MTMR7: variants seen among roughly 807,000 people sequenced by gnomAD.
MTMR7 encodes the protein myotubularin related protein 7, also known as phosphatidylinositol-3-phosphate phosphatase MTMR7.
Under a neutral mutation model 81.2 loss-of-function variants are expected in MTMR7, and 76 were observed. The observed-to-expected ratio is 0.94, with a 90% CI of 0.78 to 1.13. The LOEUF is 1.13. Among genes scored for constraint, MTMR7 ranks in the 50% most tolerant of loss-of-function variants. The pLI, the probability that MTMR7 is intolerant of heterozygous loss-of-function variation, is 0.00. For synonymous variants in MTMR7, 372 were observed against 289.8 expected (o/e 1.28, Z -2.88); for missense variants, 1,044 against 820.0 (o/e 1.27, Z -3.34).
intron 1 of MTMR7, among the ~76,000 whole-genome samples, chr8:17,399,321 G>A (rs1373133935): frequency 6.6e-5 from 10 of 152,230 alleles, no homozygotes; most frequent in Non-Finnish European, 1.2e-4. Flanking sequence ...AAACAGTAGC[G>A]TTCATGTATG....
At chr8:17,411,698 A>AG (rs922819948) in intron 1 of MTMR7, among the ~76,000 whole-genome samples, 1 of 152,322 alleles carries the variant, frequency 6.6e-6, no homozygotes, top group East Asian at 1.9e-4. Context: ...CACTGCTTAG[A>AG]GGGTATCCAT....
intron 1 of MTMR7, among the ~76,000 whole-genome samples, chr8:17,393,735 A>C (rs564684275): frequency 6.6e-6 from 1 of 152,294 alleles, no homozygotes; most frequent in African/African-American, 2.4e-5. Flanking sequence ...CAGAAATAAA[A>C]GCTAATGGAT....
intron 1 of MTMR7, among the ~76,000 whole-genome samples, chr8:17,404,244 G>C (rs1160369777): frequency 1.3e-5 from 2 of 152,122 alleles, no homozygotes; most frequent in Non-Finnish European, 2.9e-5. Context: ...TTTACTATTG[G>C]AATAGATATG....
chr8:17,402,238 C>T (rs1821449034), intron 1 of MTMR7, among the ~76,000 whole-genome samples: 1 of 152,052 alleles, frequency 6.6e-6, no homozygotes, highest in Non-Finnish European at 1.5e-5. Flanking sequence ...CTTTGTGTTA[C>T]AAACAATCCA....
At chr8:17,316,492 C>T (rs1218811400) in intron 7 of MTMR7, among the ~76,000 whole-genome samples, 2 of 150,836 alleles carry the variant, frequency 1.3e-5, no homozygotes, top group Non-Finnish European at 2.9e-5. Flanking sequence ...TTTCTACAGT[C>T]TCCTTGTGGA....
chr8:17,336,228 C>A (rs1028545740), intron 6 of MTMR7, among the ~76,000 whole-genome samples: 1 of 152,086 alleles, frequency 6.6e-6, no homozygotes, highest in Non-Finnish European at 1.5e-5. Context: ...CACCAGCACA[C>A]CCACCCCAGT....
intron 1 of MTMR7, among the ~76,000 whole-genome samples, chr8:17,396,612 G>A (rs1381930592): frequency 3.9e-5 from 6 of 152,102 alleles, no homozygotes; most frequent in South Asian, 2.1e-4. Flanking sequence ...GCAGGCTAAA[G>A]TGCTCCCAGG....
At chr8:17,382,519 T>A (rs534534319) in intron 1 of MTMR7, among the ~76,000 whole-genome samples, 7 of 152,034 alleles carry the variant, frequency 4.6e-5, no homozygotes, top group African/African-American at 1.7e-4. Context: ...TACTCAAAAA[T>A]AAAGACTTTC....
intron 1 of MTMR7, among the ~76,000 whole-genome samples, chr8:17,374,334 A>T (rs961297342): frequency 1.3e-5 from 2 of 152,198 alleles, no homozygotes; most frequent in African/African-American, 4.8e-5. Context: ...CTAAAAATAC[A>T]AAAATTGGCC....
At chr8:17,400,300 G>A (rs1821389404) in intron 1 of MTMR7, among the ~76,000 whole-genome samples, 1 of 152,174 alleles carries the variant, frequency 6.6e-6, no homozygotes, top group African/African-American at 2.4e-5. Flanking sequence ...CCTAAGAGGT[G>A]AGTACTGTTG....
intron 7 of MTMR7, among the ~76,000 whole-genome samples, chr8:17,330,150 T>C (rs1818922204): frequency 6.6e-6 from 1 of 152,318 alleles, no homozygotes; most frequent in African/African-American, 2.4e-5. Flanking sequence ...GACACTCAGA[T>C]TTCTCCAACC....
chr8:17,373,635 A>C (rs11203848), intron 1 of MTMR7, among the ~76,000 whole-genome samples: 55,106 of 151,996 alleles, frequency 0.36, 13,104 homozygotes, highest in East Asian at 0.71. Flanking sequence ...AAAAAGAAAA[A>C]AGCACATTTT....
Position 17,299,683 on chromosome 8 carries a change from AC to A in MTMR7, c.*178del, listed in dbSNP as rs1816971885. On this transcript the variant is annotated 3_prime_UTR_variant, in exon 14 of 14. Coordinates refer to ENST00000180173, the MANE Select transcript of MTMR7 (RefSeq NM_004686.5). ...CTTATATTTGATAAATGAAATGACT[AC>A]GTCCTCTTCAGTATCTAAGAAATCA... The A allele has an allele frequency of 1.3e-6, 1 of 746,238 alleles. No homozygotes were observed. The highest frequency in any genetic ancestry group is 1.8e-5 in the African/African-American group (1 of 56,446). The allele number at this position is 746,238 out of a possible 1,614,324, so 46.2% of individuals were successfully genotyped here. A position where few individuals can be genotyped will look rare whatever the true frequency, so the allele number is the denominator to read the frequency against.
chr8:17,305,106 G>C (rs942077409), intron 11 of MTMR7, among the ~76,000 whole-genome samples: 5 of 152,146 alleles, frequency 3.3e-5, no homozygotes, highest in Middle Eastern at 3.2e-3. Context: ...AGCTTCCTTA[G>C]AGAAAACAAA....
chr8:17,408,382 C>T (rs1397165945), intron 1 of MTMR7, among the ~76,000 whole-genome samples: 4 of 37,586 alleles, frequency 1.1e-4, no homozygotes, highest in African/African-American at 2.3e-4. Context: ...GGCGACAGAG[C>T]GAGACTCCGT....
intron 3 of MTMR7, among the ~76,000 whole-genome samples, chr8:17,365,087 C>A (rs1299105449): frequency 6.6e-6 from 1 of 152,164 alleles, no homozygotes; most frequent in Admixed American, 6.5e-5. Context: ...TGTTGTCTTC[C>A]ATCTTTTTGG....
chr8:17,362,051 C>T (rs1820077389), intron 3 of MTMR7, among the ~76,000 whole-genome samples: 1 of 152,128 alleles, frequency 6.6e-6, no homozygotes, highest in Non-Finnish European at 1.5e-5. Flanking sequence ...TCTTGCTCTG[C>T]TCTTGCCATT....
At chr8:17,323,173 C>G (rs989769017) in intron 7 of MTMR7, among the ~76,000 whole-genome samples, 2 of 151,874 alleles carry the variant, frequency 1.3e-5, no homozygotes, top group African/African-American at 4.8e-5. Flanking sequence ...TCTCAAACTC[C>G]TGACCTCAGG....
intron 6 of MTMR7, among the ~76,000 whole-genome samples, chr8:17,334,524 G>C (rs373459410): frequency 1.3e-5 from 2 of 152,172 alleles, no homozygotes; most frequent in Non-Finnish European, 2.9e-5. Flanking sequence ...GTGAAAAGTA[G>C]GACTGCAAAA....
Sources: allele counts gnomAD v4.1 joint callset (sites outside exome capture counted in the v4.1 genomes callset), GRCh38; gene constraint gnomAD v4.1.1; transcripts MANE v1.5; gene names NCBI Gene and HGNC (gene_info 2026-07-23, HGNC 2026-07-21).